Variants in POLN observed in about 807,000 individuals in gnomAD.
The protein encoded by POLN is DNA polymerase nu.
A neutral mutation model predicts 113.5 loss-of-function variants in POLN; 108 were observed. The ratio of observed to expected loss-of-function variants is 0.95; its 90% CI spans 0.81 to 1.12. POLN has a LOEUF of 1.12. Ranked by LOEUF, POLN falls within the 50% of genes most tolerant of loss-of-function variation. The probability of loss-of-function intolerance (pLI) is 0.00; values close to 1 mark genes in which losing one functional copy is unlikely to be tolerated. For synonymous variants in POLN, 386 were observed against 391.5 expected (o/e 0.99, Z 0.17); for missense variants, 1,097 against 1,077.1 (o/e 1.02, Z -0.26).
At chr4:2,240,841 C>T in intron 2 of POLN, 3 of 1,613,546 alleles carry the variant, frequency 1.9e-6, no homozygotes, top group Non-Finnish European at 2.5e-6. Flanking sequence ...AACGATTCAT[C>T]TTCAACGCCC....
chr4:2,112,140 A>G (rs1472458242), intron 19 of POLN, among the ~76,000 whole-genome samples: 2 of 152,258 alleles, frequency 1.3e-5, no homozygotes, highest in Non-Finnish European at 2.9e-5. Context: ...TGGGGAAAGG[A>G]TTCCCTATTT....
At position 2,222,741 on chromosome 4, in the gene POLN, C is replaced by T. The variant is rs1460747969; in HGVS notation, c.133+6358G>A. ...TTTCCACAGGATCTATTATTCCCAGCCACAGCCATCCAATTCCATTGTCTT... is the reference window on the plus strand; with the variant it reads ...TTTCCACAGGATCTATTATTCCCAGTCACAGCCATCCAATTCCATTGTCTT... On this transcript the variant is annotated intron_variant, in intron 3 of 25. Transcript: ENST00000511885. 4.0e-5 allele frequency among the ~76,000 whole-genome samples: 6 copies of T among 150,710 alleles called. No homozygotes were observed. The East Asian group carries it at 1.2e-3, about 29-fold the overall frequency.
intron 19 of POLN, among the ~76,000 whole-genome samples, chr4:2,096,684 GAA>G (rs1261370201): frequency 1.4e-4 from 18 of 130,572 alleles, no homozygotes; most frequent in African/African-American, 4.4e-4. Context: ...GAAGCCGAGA[GAA>G]AGAGAGAGAG....
At chr4:2,161,602 CT>C (rs1369340053) in intron 13 of POLN, among the ~76,000 whole-genome samples, 6 of 152,230 alleles carry the variant, frequency 3.9e-5, no homozygotes, top group African/African-American at 1.4e-4. Flanking sequence ...GCGCCGCCCC[CT>C]GCTCCATGGC....
chr4:2,124,109 T>A (rs931243545), intron 19 of POLN, among the ~76,000 whole-genome samples: 1 of 152,176 alleles, frequency 6.6e-6, no homozygotes, highest in Non-Finnish European at 1.5e-5. Context: ...TTCCATGTTG[T>A]ACAATTTCAT....
chr4:2,184,893 A>G (rs931793273), intron 7 of POLN, among the ~76,000 whole-genome samples: 1 of 152,242 alleles, frequency 6.6e-6, no homozygotes, highest in African/African-American at 2.4e-5. Context: ...CTAAAATGAA[A>G]AAGGCTTTTT....
chr4:2,123,558 G>C (rs1481410856), intron 19 of POLN, among the ~76,000 whole-genome samples: 4 of 149,984 alleles, frequency 2.7e-5, no homozygotes, highest in Non-Finnish European at 4.4e-5. Context: ...CTGGGAGACG[G>C]AGGTTGAAGT....
chr4:2,240,003 T>A, intron 2 of POLN: 1 of 1,518,102 alleles, frequency 6.6e-7, no homozygotes, highest in Non-Finnish European at 9.1e-7. Flanking sequence ...TAACAATAAT[T>A]ACAATGTGAA....
intron 16 of POLN, chr4:2,140,055 G>A (rs1257118959): frequency 1.3e-5 from 2 of 148,528 alleles, no homozygotes; most frequent in Admixed American, 6.9e-5. Flanking sequence ...CCTTTTGTTG[G>A]GTACATTCAA....
At chr4:2,073,271 G>A (rs1365669030) in intron 24 of POLN, among the ~76,000 whole-genome samples, 7 of 152,168 alleles carry the variant, frequency 4.6e-5, no homozygotes, top group Non-Finnish European at 2.9e-5. Flanking sequence ...GATGCCTCTC[G>A]CAGGCCCCTT....
chr4:2,214,792 G>A (rs1014676919), intron 3 of POLN, among the ~76,000 whole-genome samples: 1 of 152,032 alleles, frequency 6.6e-6, no homozygotes, highest in African/African-American at 2.4e-5. Flanking sequence ...TGCTAGTTAT[G>A]TTTCCTGAAC....
Position 2,127,364 on chromosome 4 carries a change from C to T in POLN, c.1982+749G>A, listed in dbSNP as rs1731609920. Reference sequence around the variant, plus strand: ...TATAAGCCAAACACAATAATCCACTCCTCCTTTTTTCTGGAGTATAATCTC... The same window carrying T: ...TATAAGCCAAACACAATAATCCACTTCTCCTTTTTTCTGGAGTATAATCTC... On this transcript the variant is annotated intron_variant, in intron 19 of 25. Transcript: ENST00000511885. The surrounding 1 kb of genome is among the most constrained non-coding windows in gnomAD (Gnocchi z 4.7). Among the ~76,000 whole-genome samples, 1 of 152,130 alleles carries T rather than the reference C, an allele frequency of 6.6e-6. No homozygotes were observed.
chr4:2,236,367 T>C (rs753662976), intron 2 of POLN: 1 of 1,613,050 alleles, frequency 6.2e-7, no homozygotes, highest in African/African-American at 1.3e-5. Context: ...AGAAATATTC[T>C]GTTTCAATTT....
intron 2 of POLN, chr4:2,238,607 T>A (rs775490843): frequency 7.0e-6 from 11 of 1,569,196 alleles, no homozygotes; most frequent in South Asian, 1.1e-5. Flanking sequence ...TACGTACCTA[T>A]GAGTAGAATA....
In POLN at chr4:2,208,501, G is replaced by A; in HGVS notation, c.214-14C>T. 6.7e-7 allele frequency: 1 copy of A among 1,492,438 alleles called. No homozygotes were observed. The highest frequency in any genetic ancestry group is 8.9e-7 in the Non-Finnish European group (1 of 1,118,540). The allele number at this position is 1,492,438 out of a possible 1,614,324, so 92.4% of individuals were successfully genotyped here. ...AGATTTAAGATCCTACAGAAAAATG[G>A]AAAATATTTCATTAGAATATGGACT... On this transcript the variant is annotated splice_polypyrimidine_tract_variant and intron_variant, in intron 4 of 25. Transcript: ENST00000511885.
chr4:2,236,639 G>A lies in POLN; in HGVS notation c.-13+4881C>T, dbSNP rs570152088. ...TTTGGGAGGCCAAGGCGGGCAGATT[G>A]CCTGAGCTCAGGAGTTCGAGACCAG... On this transcript the variant is annotated intron_variant, in intron 2 of 25. Coordinates refer to ENST00000511885, the MANE Select transcript of POLN (RefSeq NM_181808.4). 3.3e-5 allele frequency among the ~76,000 whole-genome samples: 5 copies of A among 151,860 alleles called. No individual in the cohort carries two copies. The South Asian group carries it at 8.3e-4, about 25-fold the overall frequency.
chr4:2,241,679 C>G lies in POLN; in HGVS notation c.-172G>C, dbSNP rs1734994815. 1 of 985,398 alleles carries G rather than the reference C, an allele frequency of 1.0e-6. No individual in the cohort carries two copies. Among genetic ancestry groups the G allele is most frequent in the South Asian group, 4.7e-5 (1 of 21,298 alleles). The allele number at this position is 985,398 out of a possible 1,614,324, so 61.0% of individuals were successfully genotyped here. On this transcript the variant is annotated 5_prime_UTR_variant, in exon 2 of 26. Coordinates refer to ENST00000511885, the MANE Select transcript of POLN (RefSeq NM_181808.4). ...CCCGACGCCAGGGCCGCGCGAACCC[C>G]AGAGGCAGCGGCAAGCCCCAGGGAT...
chr4:2,128,353 T>C (rs1288475454), intron 18 of POLN, 126 bp from the exon 19 acceptor site: 4 of 610,568 alleles, frequency 6.6e-6, no homozygotes, highest in Non-Finnish European at 8.7e-6. Context: ...CTGCCTCCCA[T>C]CTCCCAGGGT....
chr4:2,143,777 A>G (rs1309875388), intron 16 of POLN, among the ~76,000 whole-genome samples: 1 of 152,250 alleles, frequency 6.6e-6, no homozygotes, highest in Non-Finnish European at 1.5e-5. Context: ...CCTTTAATAA[A>G]TATTAGCATA....
Sources: allele counts gnomAD v4.1 joint callset (sites outside exome capture counted in the v4.1 genomes callset), GRCh38; gene constraint gnomAD v4.1.1; non-coding constraint Gnocchi (gnomAD v3.1); transcripts MANE v1.5; gene names NCBI Gene and HGNC (gene_info 2026-07-23, HGNC 2026-07-21).